DNAH8: variants seen among roughly 807,000 people sequenced by gnomAD.
DNAH8 encodes the protein axonemal beta dynein heavy chain 8.
Under a neutral mutation model 562.1 loss-of-function variants are expected in DNAH8, and 382 were observed. The ratio of observed to expected loss-of-function variants is 0.68; its 90% confidence interval spans 0.63 to 0.74. DNAH8 has a LOEUF of 0.74. Ranked by LOEUF, DNAH8 falls within the 30% of genes least tolerant of loss-of-function variation. DNAH8 has a pLI of 0.00. For missense variants in DNAH8, 5,203 were observed against 5,620.4 expected (o/e 0.93, Z 2.37); for synonymous variants, 1,881 against 1,919.4 (o/e 0.98, Z 0.52).
intron 35 of DNAH8, among the ~76,000 whole-genome samples, chr6:38,844,819 T>G (rs956646398): frequency 6.6e-6 from 1 of 152,206 alleles, no homozygotes; most frequent in South Asian, 2.1e-4. Flanking sequence ...AGAGAGTCTC[T>G]GCTGGAATCT....
In DNAH8 at chr6:38,860,593, G is replaced by A. The variant is rs759982085; in HGVS notation, c.6095G>A (p.Cys2032Tyr). Residue 2032 changes from cysteine to tyrosine, a missense_variant, in exon 43 of 93, where the codon TGT becomes TAT. Around this residue, in one of 6 missense-constraint regions of DNAH8, gnomAD observed 2,176 missense variants for 2,365.1 expected, o/e 0.92. Transcript: ENST00000327475. ...ATTTACCAAAATGAATTTCTGGGATGTACTGATCGTCTTGTTATCACTCCA... is the reference window on the plus strand; with the variant it reads ...ATTTACCAAAATGAATTTCTGGGATATACTGATCGTCTTGTTATCACTCCA... ...DFIYQNEFLG[C>Y]TDRLVITPLT... 6.5e-7 allele frequency: 1 copy of A among 1,544,694 alleles called. No individual in the cohort carries two copies. Among genetic ancestry groups the A allele is most frequent in the South Asian group, 1.3e-5 (1 of 75,822 alleles).
chr6:38,989,004 A>G (rs573470181), intron 87 of DNAH8, among the ~76,000 whole-genome samples: 4 of 152,212 alleles, frequency 2.6e-5, no homozygotes, highest in Non-Finnish European at 5.9e-5. Context: ...TTATCTTTGC[A>G]TTCTGTTCTG....
At chr6:38,839,035 G>T (rs75102451) in intron 33 of DNAH8, among the ~76,000 whole-genome samples, 3,868 of 152,246 alleles carry the variant, frequency 0.025, 172 homozygotes, top group African/African-American at 0.086. Flanking sequence ...AGGGTAGGTG[G>T]TTTGTATTCT....
intron 92 of DNAH8, among the ~76,000 whole-genome samples, chr6:39,029,311 C>G (rs75472374): frequency 0.03 from 4,627 of 152,186 alleles, 234 homozygotes; most frequent in African/African-American, 0.1. Flanking sequence ...TGCTGCAAGC[C>G]CATCAAGGCC....
chr6:38,937,734 G>A lies in DNAH8; in HGVS notation c.11564-240G>A, dbSNP rs138677332. On this transcript the variant is annotated intron_variant, in intron 77 of 92. Coordinates refer to ENST00000327475, the MANE Select transcript of DNAH8 (RefSeq NM_001206927.2). ...TCAAATGGGTCTTTTGCTTTTTGCA[G>A]ATGTTTAGGCAGAGCAGGGGATAGT... is the stretch of plus-strand genomic sequence containing the variant. 3.2e-4 allele frequency among the ~76,000 whole-genome samples: 49 copies of A among 152,266 alleles called. No individual in the cohort carries two copies. In the East Asian group the frequency reaches 8.7e-3, roughly 27 times the overall value.
intron 17 of DNAH8, among the ~76,000 whole-genome samples, chr6:38,786,534 G>A (rs1297049333): frequency 3.3e-5 from 5 of 152,180 alleles, no homozygotes; most frequent in African/African-American, 4.8e-5. Flanking sequence ...CTTGGTCAAT[G>A]TTTCTCTCCC....
chr6:38,928,300 G>A, intron 74 of DNAH8: 1 of 152,144 alleles, frequency 6.6e-6, no homozygotes, highest in East Asian at 1.9e-4. Context: ...GATGACTGAA[G>A]ATAATTATCT....
chr6:38,903,608 CTTCCTTT>C (rs1583312567), intron 62 of DNAH8, among the ~76,000 whole-genome samples: 1 of 120,152 alleles, frequency 8.3e-6, no homozygotes, highest in East Asian at 2.4e-4. Context: ...TTCTTTCTTT[CTTCCTTT>C]TTTTTTTTTT....
In DNAH8 at chr6:38,728,069, C is replaced by A. The variant is rs569808276; in HGVS notation, c.526-1833C>A. On this transcript the variant is annotated intron_variant, in intron 3 of 92. Coordinates refer to ENST00000327475, the MANE Select transcript of DNAH8 (RefSeq NM_001206927.2). ...CAGCCTCAACCTCCCAGACTCGGGC[C>A]ATCCTCCGACTTTAGCCTCCCAAGT... Among the ~76,000 whole-genome samples the A allele has an allele frequency of 2.0e-5, 3 of 152,210 alleles. No individual in the cohort carries two copies. The East Asian group carries it at 5.8e-4, about 29-fold the overall frequency.
At chr6:38,899,172 A>T (rs766389988) in intron 61 of DNAH8, among the ~76,000 whole-genome samples, 1 of 152,160 alleles carries the variant, frequency 6.6e-6, no homozygotes, top group Non-Finnish European at 1.5e-5. Flanking sequence ...CCTGCATGAG[A>T]TTTGACCCAC....
chr6:38,748,812 G>A (rs1198082244), intron 8 of DNAH8, among the ~76,000 whole-genome samples: 1 of 146,520 alleles, frequency 6.8e-6, no homozygotes, highest in African/African-American at 2.5e-5. Context: ...TTGAGAATAG[G>A]TTAAAAATCC....
At chr6:38,854,858 A>T (rs1776056580) in intron 41 of DNAH8, among the ~76,000 whole-genome samples, 1 of 150,072 alleles carries the variant, frequency 6.7e-6, no homozygotes, top group South Asian at 2.1e-4. Flanking sequence ...ATATACACAT[A>T]TGTATAAAAT....
At chr6:38,719,058 T>G (rs1762549861) in intron 1 of DNAH8, among the ~76,000 whole-genome samples, 1 of 152,216 alleles carries the variant, frequency 6.6e-6, no homozygotes, top group Non-Finnish European at 1.5e-5. Flanking sequence ...AAATTCCTTT[T>G]TCAGCAGAAC....
chr6:38,981,172 T>TC (rs1022197863), intron 85 of DNAH8, among the ~76,000 whole-genome samples: 20 of 151,952 alleles, frequency 1.3e-4, no homozygotes, highest in African/African-American at 4.6e-4. Flanking sequence ...TCCACATGAG[T>TC]CCTCACCTTA....
rs1421387136 is a variant in DNAH8, at chr6:38,822,982, A to G, written c.3668A>G (p.Asp1223Gly). The G allele has an allele frequency of 6.2e-7, 1 of 1,611,638 alleles. No homozygotes were observed. Among genetic ancestry groups the G allele is most frequent in the African/African-American group, 1.3e-5 (1 of 74,742 alleles). Residue 1223 changes from aspartate (D) to glycine (G), a missense_variant, in exon 27 of 93, where the codon GAC becomes GGC. By Grantham distance (94) the Asp-to-Gly change is moderately conservative (BLOSUM62 -1). Around this residue, in one of 6 missense-constraint regions of DNAH8, gnomAD observed 2,176 missense variants for 2,365.1 expected, o/e 0.92. Transcript: ENST00000327475. ...AAGGCAGCTCATGAGGCCCTGCAGG[A>G]CTTTCAGAAGTACAAGACTCTCTGG... The part of the protein sequence containing the change: ...LRKAAHEALQ[D>G]FQKYKTLWTE...
At chr6:38,984,344 T>C (rs1561943045) in intron 87 of DNAH8, 37 bp downstream of exon 87, 4 of 1,364,918 alleles carry the variant, frequency 2.9e-6, no homozygotes, top group South Asian at 1.2e-5. Flanking sequence ...TGGAGACACA[T>C]TTCACTGTAT....
intron 24 of DNAH8, among the ~76,000 whole-genome samples, chr6:38,808,158 A>T (rs561026784): frequency 2.6e-5 from 4 of 152,308 alleles, no homozygotes; most frequent in African/African-American, 9.6e-5. Flanking sequence ...TAGTCTGTTT[A>T]TCCATTCTAC....
At chr6:38,744,702 C>T (rs1383655665) in intron 8 of DNAH8, among the ~76,000 whole-genome samples, 1 of 152,140 alleles carries the variant, frequency 6.6e-6, no homozygotes, top group African/African-American at 2.4e-5. Context: ...AAGTGATCCT[C>T]CTGCCTCAGC....
intron 1 of DNAH8, among the ~76,000 whole-genome samples, chr6:38,715,956 A>ATTTTTTTTTTTTT (rs1562521493): frequency 3.3e-4 from 9 of 27,022 alleles, no homozygotes; most frequent in African/African-American, 1.6e-3. Flanking sequence ...ATATATATAT[A>ATTTTTTTTTTTTT]TATATTTTTT....
Sources: allele counts gnomAD v4.1 joint callset (sites outside exome capture counted in the v4.1 genomes callset), GRCh38; gene constraint gnomAD v4.1.1; regional missense constraint gnomAD v4.1.1; transcripts MANE v1.5; gene names NCBI Gene and HGNC (gene_info 2026-07-23, HGNC 2026-07-21).